Variants in DSC1 observed in about 807,000 individuals in gnomAD.
DSC1 encodes desmocollin 1, also known as desmocollin-1.
Under a neutral mutation model 98.8 loss-of-function variants are expected in DSC1, and 79 were observed. The ratio of observed to expected loss-of-function variants is 0.80; its 90% CI spans 0.67 to 0.96. DSC1 has a LOEUF of 0.96. Among genes scored for constraint, DSC1 ranks in the 50% least tolerant of loss-of-function variants. The pLI is 0.00. For synonymous variants in DSC1, 405 were observed against 372.1 expected (o/e 1.09, Z -1.02); for missense variants, 1,115 against 1,075.9 (o/e 1.04, Z -0.51).
At chr18:31,150,178 TAC>T (rs1988938080) in intron 5 of DSC1, among the ~76,000 whole-genome samples, 1 of 60,264 alleles carries the variant, frequency 1.7e-5, no homozygotes, top group African/African-American at 7.0e-5. Context: ...TCACCACCAC[TAC>T]CATCACCACC....
intron 6 of DSC1, 97 bp downstream of exon 6, chr18:31,148,401 C>G: frequency 7.3e-7 from 1 of 1,364,510 alleles, no homozygotes; most frequent in Non-Finnish European, 9.7e-7. Context: ...CCAGAAAATG[C>G]ATAAAATGCA....
At chr18:31,155,348 G>A (rs569329123) in intron 4 of DSC1, among the ~76,000 whole-genome samples, 2 of 152,082 alleles carry the variant, frequency 1.3e-5, no homozygotes, top group African/African-American at 4.8e-5. Flanking sequence ...AGAAAATTTT[G>A]GCCGGGCGCA....
At chr18:31,146,921 A>G (rs72926566) in intron 6 of DSC1, among the ~76,000 whole-genome samples, 33,274 of 152,168 alleles carry the variant, frequency 0.22, 4,190 homozygotes, top group East Asian at 0.56. Flanking sequence ...GGAGTAGTCT[A>G]TGTATCATTT....
intron 9 of DSC1, 94 bp from the exon 10 acceptor site, chr18:31,140,395 A>G: frequency 7.6e-7 from 1 of 1,311,496 alleles, no homozygotes; most frequent in Non-Finnish European, 1.0e-6. Context: ...TCATTTTTAC[A>G]TTTAAAATGT....
chr18:31,156,599 G>A (rs1335976111), intron 3 of DSC1, among the ~76,000 whole-genome samples: 1 of 152,098 alleles, frequency 6.6e-6, no homozygotes, highest in Non-Finnish European at 1.5e-5. Context: ...TATATAATGT[G>A]GGGATTTTAC....
In DSC1 at chr18:31,132,703, A is replaced by G; in HGVS notation, c.2117-14T>C. 6.2e-7 allele frequency: 1 copy of G among 1,606,546 alleles called. No individual in the cohort carries two copies. Among genetic ancestry groups the G allele is most frequent in the Non-Finnish European group, 8.5e-7 (1 of 1,176,438 alleles). On this transcript the variant is annotated splice_polypyrimidine_tract_variant and intron_variant, in intron 13 of 15. Transcript: ENST00000257198. ...TAAACAGAATACCTAAAAAGCAAAAAAGATCAAAGTAAAACACAGACATTA... is the reference window on the plus strand; with the variant it reads ...TAAACAGAATACCTAAAAAGCAAAAGAGATCAAAGTAAAACACAGACATTA...
chr18:31,134,476 TA>T, intron 12 of DSC1, 95 bp downstream of exon 12: 1 of 1,094,808 alleles, frequency 9.1e-7, no homozygotes, highest in Non-Finnish European at 1.3e-6. Flanking sequence ...AATAATTTCC[TA>T]AAATAAATGT....
At chr18:31,142,289 A>T in intron 8 of DSC1, 105 bp from the exon 9 acceptor site, 2 of 1,226,790 alleles carry the variant, frequency 1.6e-6, no homozygotes, top group South Asian at 2.9e-5. Context: ...TGATGTGAAA[A>T]GCTGCCCTCA....
intron 5 of DSC1, among the ~76,000 whole-genome samples, chr18:31,151,842 G>A (rs986104453): frequency 1.3e-5 from 2 of 152,034 alleles, no homozygotes; most frequent in East Asian, 1.9e-4. Context: ...AGAATTAATC[G>A]ACTTGTGTGC....
chr18:31,159,045 T>G (rs1989154372), intron 2 of DSC1, among the ~76,000 whole-genome samples: 1 of 87,598 alleles, frequency 1.1e-5, no homozygotes, highest in Admixed American at 1.4e-4. Context: ...AGCTACTATG[T>G]GGTTTTTTTT....
chr18:31,156,600 G>A (rs1286077312), intron 3 of DSC1, among the ~76,000 whole-genome samples: 1 of 152,052 alleles, frequency 6.6e-6, no homozygotes, highest in African/African-American at 2.4e-5. Context: ...ATATAATGTG[G>A]GGATTTTACA....
At chr18:31,154,386 T>C (rs1027450609) in intron 5 of DSC1, among the ~76,000 whole-genome samples, 2 of 152,058 alleles carry the variant, frequency 1.3e-5, no homozygotes, top group Admixed American at 6.6e-5. Context: ...TCAGAATACT[T>C]GGGCATGGGT....
chr18:31,154,719 A>T (rs1989061393), intron 5 of DSC1, 55 bp downstream of exon 5: 2 of 1,404,514 alleles, frequency 1.4e-6, no homozygotes, highest in Non-Finnish European at 1.9e-6. Context: ...AGTTGAAAAT[A>T]TTAGTAAGCC....
chr18:31,132,073 A>T, intron 14 of DSC1: 1 of 558,476 alleles, frequency 1.8e-6, no homozygotes. Flanking sequence ...AAATAGGGTC[A>T]TTGTAGATGT....
At position 31,130,948 on chromosome 18, in the gene DSC1, T is replaced by C. The variant is rs908069720; in HGVS notation, c.2488-237A>G. 19 of 983,850 alleles carry C rather than the reference T, an allele frequency of 1.9e-5. No homozygotes were observed. In the African/African-American group the frequency reaches 2.8e-4, roughly 14 times the overall value. The allele number at this position is 983,850 out of a possible 1,614,324, so 60.9% of individuals were successfully genotyped here. A position where few individuals can be genotyped will look rare whatever the true frequency, so the allele number is the denominator to read the frequency against. ...ATTTAAAAAATTAAGACTACGCATA[T>C]ATCACGCAACACATTTATAATTTCC... is the stretch of plus-strand genomic sequence containing the variant. On this transcript the variant is annotated intron_variant, in intron 15 of 15. Coordinates refer to ENST00000257198, the MANE Select transcript of DSC1 (RefSeq NM_024421.2).
Position 31,140,236 on chromosome 18 carries a change from G to A in DSC1, c.1326C>T (p.Phe442=), listed in dbSNP as rs1477863669. The A allele has an allele frequency of 1.9e-6, 3 of 1,613,950 alleles. No homozygotes were observed. The highest frequency in any genetic ancestry group is 2.5e-6 in the Non-Finnish European group (3 of 1,179,948). ...GAGTTTGTGAGCTCGCTGCTTTAGA[G>A]AATTGTGCCTCGTTAATGACACCAA... ...LQVGVINEAQ[F]SKAASSQTPT... The change falls in exon 10 of 16, where the codon TTC becomes TTT. Residue 442 remains phenylalanine (F), a synonymous_variant. Coordinates refer to ENST00000257198, the MANE Select transcript of DSC1 (RefSeq NM_024421.2).
chr18:31,130,774 AATG>A (rs770973367), intron 15 of DSC1, 63 bp from the exon 16 acceptor site: 3 of 1,611,908 alleles, frequency 1.9e-6, no homozygotes, highest in African/African-American at 2.7e-5. Context: ...TTAGCAGAAA[AATG>A]ATGTCTTTGA....
chr18:31,153,409 C>T lies in DSC1; in HGVS notation c.627+1365G>A, dbSNP rs573453786. On this transcript the variant is annotated intron_variant, in intron 5 of 15. Transcript: ENST00000257198. The stretch of plus-strand genomic sequence containing the variant: ...TTGCAATGGTGCTTAGCTTACTTCT[C>T]CTGTAAGAACTTGGATACACTATTT... Among the ~76,000 whole-genome samples the T allele has an allele frequency of 5.9e-5, 9 of 152,098 alleles. No homozygotes were observed. In the South Asian group the frequency reaches 1.7e-3, roughly 28 times the overall value.
intron 11 of DSC1, 48 bp downstream of exon 11, chr18:31,139,700 A>G: frequency 6.7e-7 from 1 of 1,485,802 alleles, no homozygotes; most frequent in Non-Finnish European, 9.0e-7. Context: ...AGGTTTCCTT[A>G]AAAACATGTC....
Sources: allele counts gnomAD v4.1 joint callset (sites outside exome capture counted in the v4.1 genomes callset), GRCh38; gene constraint gnomAD v4.1.1; transcripts MANE v1.5; gene names NCBI Gene and HGNC (gene_info 2026-07-23, HGNC 2026-07-21).